GPM6A: variants seen among roughly 807,000 people sequenced by gnomAD.
GPM6A encodes the protein neuronal membrane glycoprotein M6-a.
GPM6A carries 7 observed loss-of-function variants against 32.1 expected under a neutral mutation model. The observed-to-expected ratio is 0.22, with a 90% CI of 0.12 to 0.41. The LOEUF is 0.41. GPM6A is among the 10% of genes least tolerant of loss of function. The probability of loss-of-function intolerance (pLI) is 1.00; values close to 1 mark genes in which losing one functional copy is unlikely to be tolerated. For synonymous variants in GPM6A, 130 were observed against 123.4 expected, an observed-to-expected ratio of 1.05 and a Z score of -0.35; for missense variants, 235 against 347.2, an observed-to-expected ratio of 0.68 and a Z score of 2.57.
At chr4:175,940,711 C>T (rs758207206) in intron 1 of GPM6A, among the ~76,000 whole-genome samples, 9 of 152,024 alleles carry the variant, frequency 5.9e-5, no homozygotes, top group South Asian at 2.1e-4. Context: ...TAGATTCAAG[C>T]GATTCTCCTG....
intron 1 of GPM6A, among the ~76,000 whole-genome samples, chr4:175,723,333 T>C (rs770082966): frequency 2.0e-5 from 3 of 152,206 alleles, no homozygotes; most frequent in Non-Finnish European, 2.9e-5. Flanking sequence ...AGAAAAAAGT[T>C]AAATAAAAGT....
chr4:175,684,344 T>C (rs1366964107), intron 2 of GPM6A, among the ~76,000 whole-genome samples: 1 of 152,208 alleles, frequency 6.6e-6, no homozygotes, highest in Non-Finnish European at 1.5e-5. Flanking sequence ...TTACATCTCA[T>C]CTGGGATTTT....
At chr4:175,831,568 G>T (rs1312552304) in intron 1 of GPM6A, among the ~76,000 whole-genome samples, 1 of 152,028 alleles carries the variant, frequency 6.6e-6, no homozygotes, top group Non-Finnish European at 1.5e-5. Flanking sequence ...ACAAATCCGT[G>T]CTTAATTAGA....
At chr4:175,931,465 T>C (rs1483583483) in intron 1 of GPM6A, among the ~76,000 whole-genome samples, 1 of 152,136 alleles carries the variant, frequency 6.6e-6, no homozygotes, top group Non-Finnish European at 1.5e-5. Flanking sequence ...AGATGACTTG[T>C]ACTTTTCTCT....
intron 1 of GPM6A, among the ~76,000 whole-genome samples, chr4:175,927,292 A>C (rs1439721625): frequency 6.6e-6 from 1 of 152,284 alleles, no homozygotes; most frequent in African/African-American, 2.4e-5. Flanking sequence ...CACTGACCAC[A>C]GTTCAAGTAC....
intron 1 of GPM6A, among the ~76,000 whole-genome samples, chr4:175,762,244 A>C (rs574513529): frequency 6.6e-6 from 1 of 152,348 alleles, no homozygotes; most frequent in South Asian, 2.1e-4. Flanking sequence ...AATATAGTGC[A>C]GGGATGCCAC....
intron 1 of GPM6A, among the ~76,000 whole-genome samples, chr4:175,746,354 T>G (rs1406916162): frequency 1.3e-5 from 2 of 152,238 alleles, no homozygotes; most frequent in African/African-American, 4.8e-5. Context: ...TTAACAGTTA[T>G]GATGTTAACT....
chr4:175,763,467 T>C (rs1223085373), intron 1 of GPM6A, among the ~76,000 whole-genome samples: 2 of 152,196 alleles, frequency 1.3e-5, no homozygotes, highest in Non-Finnish European at 2.9e-5. Flanking sequence ...TTTACTAAAA[T>C]TTTGAGGTTT....
chr4:175,676,942 T>C (rs1743403147), intron 2 of GPM6A, among the ~76,000 whole-genome samples: 2 of 152,320 alleles, frequency 1.3e-5, no homozygotes, highest in African/African-American at 4.8e-5. Context: ...CCATGATTTT[T>C]TTCCCAATTA....
At chr4:175,727,418 A>G (rs1198413846) in intron 1 of GPM6A, among the ~76,000 whole-genome samples, 15 of 152,344 alleles carry the variant, frequency 9.8e-5, no homozygotes, top group African/African-American at 3.6e-4. Context: ...AATGCAACAT[A>G]GGGAAAAACA....
chr4:175,635,081 A>G (rs1016933084), intron 6 of GPM6A, 24 bp from the exon 7 acceptor site: 9 of 1,600,942 alleles, frequency 5.6e-6, no homozygotes, highest in Non-Finnish European at 7.7e-6. Context: ...AAAATAATTT[A>G]TATTGGAAGT....
intron 1 of GPM6A, among the ~76,000 whole-genome samples, chr4:175,852,958 T>C (rs1333944399): frequency 6.6e-6 from 1 of 152,168 alleles, no homozygotes; most frequent in Non-Finnish European, 1.5e-5. Context: ...GCAATAAATA[T>C]ATTTTTTTCA....
upstream of GPM6A, among the ~76,000 whole-genome samples, chr4:175,815,242 T>C (rs1220497905): frequency 6.6e-6 from 1 of 152,152 alleles, no homozygotes; most frequent in African/African-American, 2.4e-5. Context: ...GTCAAATTCC[T>C]GACCTCAGGT....
intron 1 of GPM6A, among the ~76,000 whole-genome samples, chr4:175,966,515 G>T (rs187344913): frequency 2.9e-4 from 44 of 151,510 alleles, no homozygotes; most frequent in African/African-American, 1.0e-3. Context: ...GGGCCTTTGG[G>T]AACAGTTAGA....
intron 1 of GPM6A, among the ~76,000 whole-genome samples, chr4:175,990,350 C>T (rs1034832811): frequency 1.3e-5 from 2 of 152,152 alleles, no homozygotes; most frequent in African/African-American, 2.4e-5. Flanking sequence ...TGACTGCAGC[C>T]TCCATCGATG....
chr4:175,924,680 A>G (rs1316081274), intron 1 of GPM6A, among the ~76,000 whole-genome samples: 1 of 152,112 alleles, frequency 6.6e-6, no homozygotes, highest in African/African-American at 2.4e-5. Context: ...TCTCTACTAA[A>G]AATACAAAAA....
intron 6 of GPM6A, among the ~76,000 whole-genome samples, chr4:175,637,288 A>AATATATATTATATATTATATATTATATAT (rs1740737818): frequency 1.2e-4 from 6 of 51,062 alleles, no homozygotes; most frequent in African/African-American, 5.2e-4. Flanking sequence ...ATATTATATA[A>AATATATATTATATATTATATATTATATAT]AATATATATT....
At chr4:175,677,079 A>G (rs2110995116) in intron 2 of GPM6A, among the ~76,000 whole-genome samples, 1 of 152,172 alleles carries the variant, frequency 6.6e-6, no homozygotes, top group South Asian at 2.1e-4. Flanking sequence ...AAGATTCATC[A>G]ATGTAATTTT....
intron 4 of GPM6A, among the ~76,000 whole-genome samples, chr4:175,644,121 GTTTTT>G (rs781755092): frequency 9.1e-6 from 1 of 110,380 alleles, no homozygotes. Flanking sequence ...TTTTCCGTTT[GTTTTT>G]TTTTTTTTTT....
Sources: gnomAD v4.1 joint callset for allele counts (sites outside exome capture counted in the v4.1 genomes callset) on GRCh38, gnomAD v4.1.1 for gene constraint, MANE v1.5 for transcripts, NCBI Gene and HGNC (gene_info 2026-07-23, HGNC 2026-07-21) for gene names.